NPAS3: variants seen among roughly 807,000 people sequenced by gnomAD.
NPAS3 encodes the protein neuronal PAS domain protein 3, also known as neuronal PAS domain-containing protein 3.
In NPAS3, 14 loss-of-function variants were observed where a neutral mutation model predicts 73.1. The ratio of observed to expected loss-of-function variants is 0.19; its 90% CI spans 0.13 to 0.30. The LOEUF is 0.30. Ranked by LOEUF, NPAS3 falls within the 10% of genes least tolerant of loss-of-function variation. The probability of loss-of-function intolerance (pLI) is 1.00; values close to 1 mark genes in which losing one functional copy is unlikely to be tolerated. For missense variants in NPAS3, 1,096 were observed against 1,250.0 expected, an observed-to-expected ratio of 0.88 and a Z score of 1.86; for synonymous variants, 620 against 541.5, an observed-to-expected ratio of 1.14 and a Z score of -2.01.
chr14:33,442,764 C>T lies in NPAS3; in HGVS notation c.468+75496C>T, dbSNP rs564321619. On this transcript the variant is annotated intron_variant, in intron 4 of 11. Transcript: ENST00000356141. ...CTTTATTTTATAAATTATGCAGTCT[C>T]AGGTATGTCCTTATTAGCAGCATGA... 7.2e-5 allele frequency among the ~76,000 whole-genome samples: 11 copies of T among 152,316 alleles called. No homozygotes were observed. In the South Asian group the frequency reaches 1.2e-3, roughly 17 times the overall value.
intron 4 of NPAS3, among the ~76,000 whole-genome samples, chr14:33,461,402 T>TA (rs981036610): frequency 8.5e-5 from 13 of 152,234 alleles, no homozygotes; most frequent in Admixed American, 6.5e-5. Context: ...CTGGTGTTTT[T>TA]AAAAAATCTT....
At chr14:33,457,482 C>A (rs2050073397) in intron 4 of NPAS3, among the ~76,000 whole-genome samples, 1 of 152,206 alleles carries the variant, frequency 6.6e-6, no homozygotes, top group Non-Finnish European at 1.5e-5. Context: ...TCTTCTGCAT[C>A]CTCTGTGCAT....
chr14:33,006,834 A>C (rs1470774393), intron 1 of NPAS3, among the ~76,000 whole-genome samples: 2 of 152,218 alleles, frequency 1.3e-5, no homozygotes. Context: ...TCCTACAAGC[A>C]TAACACAACC....
In NPAS3 at chr14:32,990,467, T is replaced by C. The variant is rs570320100; in HGVS notation, c.50+51101T>C. 1.9e-4 allele frequency among the ~76,000 whole-genome samples: 29 copies of C among 152,286 alleles called. 1 individual carries two copies. In the East Asian group the frequency reaches 2.3e-3, roughly 12 times the overall value. On this transcript the variant is annotated intron_variant, in intron 1 of 11. Transcript: ENST00000356141. The stretch of plus-strand genomic sequence containing the variant: ...ACTATACATAACTCTATACTTAAAG[T>C]TGATTAATCTAGATGCTACCATTAT...
At chr14:33,589,578 G>A (rs1356576242) in intron 5 of NPAS3, among the ~76,000 whole-genome samples, 1 of 152,158 alleles carries the variant, frequency 6.6e-6, no homozygotes, top group Admixed American at 6.5e-5. Context: ...TTGAGTCAAA[G>A]CATTGCTTAA....
At chr14:33,538,541 C>T (rs1489472314) in intron 4 of NPAS3, among the ~76,000 whole-genome samples, 1 of 152,122 alleles carries the variant, frequency 6.6e-6, no homozygotes, top group African/African-American at 2.4e-5. Flanking sequence ...CAGAAAAACC[C>T]CAAGTTATCT....
intron 3 of NPAS3, among the ~76,000 whole-genome samples, chr14:33,308,527 TACATACACAC>T (rs2042862050): frequency 9.6e-6 from 1 of 103,724 alleles, no homozygotes; most frequent in African/African-American, 4.6e-5. Context: ...TATATATATA[TACATACACAC>T]ACACACACAC....
intron 3 of NPAS3, among the ~76,000 whole-genome samples, chr14:33,333,679 G>T (rs375633824): frequency 8.5e-4 from 129 of 152,186 alleles, no homozygotes; most frequent in African/African-American, 2.9e-3. Flanking sequence ...TCATTATTAA[G>T]TAAAGCCTCC....
chr14:33,412,682 C>G (rs2047981453), intron 4 of NPAS3, among the ~76,000 whole-genome samples: 1 of 152,162 alleles, frequency 6.6e-6, no homozygotes, highest in African/African-American at 2.4e-5. Context: ...GGTGACAGCT[C>G]TACTCCTCAC....
intron 3 of NPAS3, among the ~76,000 whole-genome samples, chr14:33,273,844 G>T (rs977537422): frequency 6.6e-6 from 1 of 152,124 alleles, no homozygotes; most frequent in African/African-American, 2.4e-5. Flanking sequence ...AGTGGTTGCT[G>T]AATGAATGTC....
chr14:33,350,657 T>C (rs1475294908), intron 3 of NPAS3, among the ~76,000 whole-genome samples: 1 of 152,252 alleles, frequency 6.6e-6, no homozygotes, highest in Non-Finnish European at 1.5e-5. Context: ...TGAAACGGAT[T>C]CGTGATACCT....
intron 4 of NPAS3, among the ~76,000 whole-genome samples, chr14:33,477,369 G>A (rs150877603): frequency 2.0e-5 from 3 of 152,226 alleles, no homozygotes; most frequent in African/African-American, 7.2e-5. Context: ...AGGGATCTAC[G>A]GGAAAAATCA....
chr14:33,760,108 AC>A (rs1159514332), intron 7 of NPAS3, among the ~76,000 whole-genome samples: 1 of 151,922 alleles, frequency 6.6e-6, no homozygotes. Flanking sequence ...AAGTGGCACC[AC>A]CCCCTGGCCA....
intron 5 of NPAS3, among the ~76,000 whole-genome samples, chr14:33,582,518 G>A (rs1209319608): frequency 6.6e-6 from 1 of 152,124 alleles, no homozygotes; most frequent in Non-Finnish European, 1.5e-5. Context: ...AATATTCCAT[G>A]TTTATGCTTC....
intron 4 of NPAS3, among the ~76,000 whole-genome samples, chr14:33,391,378 A>G (rs2046997622): frequency 6.6e-6 from 1 of 151,988 alleles, no homozygotes; most frequent in African/African-American, 2.4e-5. Flanking sequence ...TTTTTAGTAG[A>G]GATGGGGTTT....
chr14:33,311,026 T>C (rs2042982242), intron 3 of NPAS3, among the ~76,000 whole-genome samples: 1 of 152,132 alleles, frequency 6.6e-6, no homozygotes, highest in African/African-American at 2.4e-5. Flanking sequence ...GGTGTATGGT[T>C]CTGCAGAGTG....
At chr14:33,205,535 A>G (rs1306988483) in intron 2 of NPAS3, among the ~76,000 whole-genome samples, 2 of 152,182 alleles carry the variant, frequency 1.3e-5, no homozygotes, top group African/African-American at 4.8e-5. Context: ...TGGAATCTGG[A>G]TGAAAGGTGA....
chr14:33,023,271 T>C (rs1484744102), intron 1 of NPAS3, among the ~76,000 whole-genome samples: 2 of 152,192 alleles, frequency 1.3e-5, no homozygotes, highest in African/African-American at 4.8e-5. Context: ...TTGTGTGATA[T>C]AAATATTACA....
intron 4 of NPAS3, among the ~76,000 whole-genome samples, chr14:33,463,402 C>T (rs2050364949): frequency 6.6e-6 from 1 of 152,024 alleles, no homozygotes; most frequent in Non-Finnish European, 1.5e-5. Context: ...TATAATAAAG[C>T]CAATAGCTCA....
Sources: gnomAD v4.1 joint callset for allele counts (sites outside exome capture counted in the v4.1 genomes callset) on GRCh38, gnomAD v4.1.1 for gene constraint, MANE v1.5 for transcripts, NCBI Gene and HGNC (gene_info 2026-07-23, HGNC 2026-07-21) for gene names.